The following MBNL1 variants were observed in gnomAD, a reference collection of about 807,000 sequenced individuals.
The protein encoded by MBNL1 is muscleblind-like protein 1.
MBNL1 carries 8 observed loss-of-function variants against 42.2 expected under a neutral mutation model. The observed-to-expected ratio is 0.19, with a 90% CI of 0.11 to 0.34. The LOEUF (loss-of-function observed/expected upper bound fraction) is 0.34. Among genes scored for constraint, MBNL1 ranks in the 10% least tolerant of loss-of-function variants. The probability of loss-of-function intolerance (pLI) is 1.00; values close to 1 mark genes in which losing one functional copy is unlikely to be tolerated. For synonymous variants in MBNL1, 169 were observed against 173.9 expected, an observed-to-expected ratio of 0.97 and a Z score of 0.22; for missense variants, 309 against 495.3, an observed-to-expected ratio of 0.62 and a Z score of 3.57.
At chr3:152,447,890 G>A in intron 6 of MBNL1, 117 bp downstream of exon 6, 2 of 873,528 alleles carry the variant, frequency 2.3e-6, no homozygotes, top group Middle Eastern at 3.5e-4. Flanking sequence ...GTCAGGTAAG[G>A]TGGTCAATGA....
At chr3:152,298,612 G>A (rs1455771004) in intron 1 of MBNL1, among the ~76,000 whole-genome samples, 1 of 152,152 alleles carries the variant, frequency 6.6e-6, no homozygotes, top group South Asian at 2.1e-4. Context: ...AAAAATGTAC[G>A]AATAAAGGAT....
intron 2 of MBNL1, among the ~76,000 whole-genome samples, chr3:152,322,520 A>G (rs1244886446): frequency 6.6e-6 from 1 of 152,038 alleles, no homozygotes; most frequent in Non-Finnish European, 1.5e-5. Flanking sequence ...GAATTATTCT[A>G]ATTACGATAC....
chr3:152,373,359 A>C (rs571068019), intron 2 of MBNL1, among the ~76,000 whole-genome samples: 12 of 150,956 alleles, frequency 7.9e-5, no homozygotes, highest in South Asian at 2.1e-4. Context: ...AAAAAAAAAA[A>C]AAAAAACCTT....
At chr3:152,282,022 G>A (rs2048802425) in intron 1 of MBNL1, among the ~76,000 whole-genome samples, 2 of 152,086 alleles carry the variant, frequency 1.3e-5, no homozygotes, top group Admixed American at 6.6e-5. Context: ...TGATTGTGAA[G>A]TGGTACACAA....
chr3:152,387,241 ATTT>A lies in MBNL1; in HGVS notation c.175-27685_175-27683del, dbSNP rs35150728. 8.5e-4 allele frequency among the ~76,000 whole-genome samples: 116 copies of A among 136,224 alleles called. No homozygotes were observed. In the South Asian group the frequency reaches 0.02, roughly 24 times the overall value. The allele number at this position is 136,224 out of a possible 152,430, so 89.4% of individuals were successfully genotyped here. ...ATTTTTAAGCTATTCCAGTCTGTGTATTTTTTTTTTTTTTTTTGGTCTTTGCTA... is the reference window on the plus strand; with the variant it reads ...ATTTTTAAGCTATTCCAGTCTGTGTATTTTTTTTTTTTTTGGTCTTTGCTA... On this transcript the variant is annotated intron_variant, in intron 2 of 9. Transcript: ENST00000324210.
chr3:152,353,451 G>A (rs1016371684), intron 2 of MBNL1, among the ~76,000 whole-genome samples: 8 of 152,146 alleles, frequency 5.3e-5, no homozygotes, highest in Admixed American at 1.3e-4. Flanking sequence ...GAAATAGTGC[G>A]TAGGAATTGA....
intron 3 of MBNL1, among the ~76,000 whole-genome samples, chr3:152,417,754 A>G (rs1373505897): frequency 6.6e-6 from 1 of 152,202 alleles, no homozygotes; most frequent in Non-Finnish European, 1.5e-5. Context: ...CCATAGTTCA[A>G]AGGAATCATA....
intron 2 of MBNL1, among the ~76,000 whole-genome samples, chr3:152,392,911 A>C (rs188175032): frequency 6.6e-6 from 1 of 152,358 alleles, no homozygotes; most frequent in Admixed American, 6.5e-5. Flanking sequence ...TGTTTTTAAC[A>C]GGAAAACATG....
chr3:152,268,749 G>C, upstream of MBNL1: 1 of 454,586 alleles, frequency 2.2e-6, no homozygotes, highest in African/African-American at 2.0e-5. Flanking sequence ...CTGTGGCCCG[G>C]GGAAGCGCGG....
At chr3:152,413,767 T>G (rs1276229933) in intron 2 of MBNL1, among the ~76,000 whole-genome samples, 1 of 152,144 alleles carries the variant, frequency 6.6e-6, no homozygotes, top group African/African-American at 2.4e-5. Flanking sequence ...TTAATTAGAT[T>G]TATTGGTGAA....
intron 1 of MBNL1, among the ~76,000 whole-genome samples, chr3:152,271,050 T>G (rs945481918): frequency 1.3e-5 from 2 of 152,202 alleles, no homozygotes; most frequent in Non-Finnish European, 2.9e-5. Flanking sequence ...ATTTTTTTCC[T>G]TATGTAACTG....
intron 2 of MBNL1, among the ~76,000 whole-genome samples, chr3:152,353,251 T>C (rs933134972): frequency 3.9e-5 from 6 of 152,244 alleles, no homozygotes; most frequent in African/African-American, 1.4e-4. Context: ...TCTGCCTTCC[T>C]CTGATGTGTG....
At chr3:152,267,916 A>C (rs1161358730), upstream of MBNL1, 1 of 152,336 alleles carries the variant, frequency 6.6e-6, no homozygotes, top group East Asian at 1.9e-4. Context: ...AACGTTTTTC[A>C]CTAGAATCAT....
chr3:152,392,700 G>T (rs2097771872), intron 2 of MBNL1, among the ~76,000 whole-genome samples: 2 of 152,014 alleles, frequency 1.3e-5, no homozygotes, highest in Admixed American at 6.6e-5. Context: ...TCTCCAGATG[G>T]GTAAGATATA....
intron 2 of MBNL1, among the ~76,000 whole-genome samples, chr3:152,410,139 C>T (rs2098531673): frequency 6.6e-6 from 1 of 151,752 alleles, no homozygotes; most frequent in Admixed American, 6.6e-5. Context: ...TATATTTGTA[C>T]ATATGTAATG....
At chr3:152,269,517 C>G (rs2149669647) in intron 1 of MBNL1, 2 of 455,308 alleles carry the variant, frequency 4.4e-6, no homozygotes, top group Admixed American at 2.4e-5. Flanking sequence ...TCCCTGGCCC[C>G]GGGGCTGCCA....
chr3:152,373,699 TCACC>T (rs1308389933), intron 2 of MBNL1, among the ~76,000 whole-genome samples: 2 of 152,154 alleles, frequency 1.3e-5, no homozygotes, highest in African/African-American at 4.8e-5. Context: ...AATGCAGAAA[TCACC>T]CACTTTCTGC....
At chr3:152,330,021 G>T (rs1283598559) in intron 2 of MBNL1, among the ~76,000 whole-genome samples, 1 of 151,984 alleles carries the variant, frequency 6.6e-6, no homozygotes, top group Non-Finnish European at 1.5e-5. Context: ...TAAACATTGT[G>T]TGTATGTTCA....
At chr3:152,419,634 CA>C (rs1580060665) in intron 3 of MBNL1, among the ~76,000 whole-genome samples, 2 of 152,206 alleles carry the variant, frequency 1.3e-5, no homozygotes, top group East Asian at 3.8e-4. Context: ...GGCTTTCAGG[CA>C]CAAAACTGGG....
Sources: gnomAD v4.1 joint callset for allele counts (sites outside exome capture counted in the v4.1 genomes callset) on GRCh38, gnomAD v4.1.1 for gene constraint, MANE v1.5 for transcripts, NCBI Gene and HGNC (gene_info 2026-07-23, HGNC 2026-07-21) for gene names.